POTEJ: variants seen among roughly 807,000 people sequenced by gnomAD.
POTEJ encodes POTE ankyrin domain family member J.
Under a neutral mutation model 69.0 loss-of-function variants are expected in POTEJ, and 11 were observed. The ratio of observed to expected loss-of-function variants is 0.16; its 90% CI spans 0.10 to 0.26. The LOEUF (loss-of-function observed/expected upper bound fraction) is 0.26. Ranked by LOEUF, POTEJ falls within the 10% of genes least tolerant of loss-of-function variation. The pLI is 1.00. For missense variants in POTEJ, 327 were observed against 1,045.5 expected, an observed-to-expected ratio of 0.31 and a Z score of 9.48; for synonymous variants, 117 against 381.1, an observed-to-expected ratio of 0.31 and a Z score of 8.07.
intron 9 of POTEJ, among the ~76,000 whole-genome samples, chr2:130,637,028 G>A (rs1312172848): frequency 8.9e-5 from 13 of 146,660 alleles, no homozygotes; most frequent in East Asian, 7.8e-4. Flanking sequence ...GCAGTGAGCC[G>A]AGATCGTTGC....
At position 130,625,522 on chromosome 2, in the gene POTEJ, T is replaced by C. The variant is rs573832728; in HGVS notation, c.1015+1388T>C. On this transcript the variant is annotated intron_variant, in intron 6 of 14. Transcript: ENST00000409602. ...GAGGAATGAAAGTTTTGGAAAAAAG[T>C]AGGTATGATTTAAGGTAAGCATGCA... Among the ~76,000 whole-genome samples the C allele has an allele frequency of 2.0e-5, 3 of 151,878 alleles. No homozygotes were observed. In the South Asian group the frequency reaches 6.2e-4, roughly 31 times the overall value.
chr2:130,636,222 A>AAGAC (rs1206369543), intron 9 of POTEJ, among the ~76,000 whole-genome samples: 1 of 152,228 alleles, frequency 6.6e-6, no homozygotes, highest in African/African-American at 2.4e-5. Context: ...TAAGAAGAAG[A>AAGAC]AAAGGGTAAA....
intron 14 of POTEJ, among the ~76,000 whole-genome samples, chr2:130,655,679 G>A (rs1400881886): frequency 6.6e-6 from 1 of 151,504 alleles, no homozygotes; most frequent in Non-Finnish European, 1.5e-5. Flanking sequence ...TACCGCAATG[G>A]CAAATAATCT....
At chr2:130,652,038 G>A (rs1181224947) in intron 13 of POTEJ, among the ~76,000 whole-genome samples, 1 of 138,048 alleles carries the variant, frequency 7.2e-6, no homozygotes, top group Non-Finnish European at 1.5e-5. Context: ...TAATTCCCAG[G>A]TGTTGAGGAA....
rs984946615 is a variant in POTEJ, at chr2:130,623,750, A to G, written c.945-314A>G. 5.3e-4 allele frequency among the ~76,000 whole-genome samples: 74 copies of G among 139,030 alleles called. 5 individuals are homozygous for G. The highest frequency in any genetic ancestry group is 9.5e-4 in the Non-Finnish European group (62 of 65,388). 91.2% of individuals were successfully genotyped at this position (139,030 alleles called of 152,430 possible). A position where few individuals can be genotyped will look rare whatever the true frequency, so the allele number is the denominator to read the frequency against. ...GAGCCTAAGAGAAACAAGTTGTCCA[A>G]GAACAAATAGCTGTTCATTATGGAG... On this transcript the variant is annotated intron_variant, in intron 5 of 14. Coordinates refer to ENST00000409602, the MANE Select transcript of POTEJ (RefSeq NM_001277083.2).
In POTEJ at chr2:130,647,994, T is replaced by G. The variant is rs199727603; in HGVS notation, c.1667+1684T>G. Among the ~76,000 whole-genome samples the G allele has an allele frequency of 7.5e-5, 11 of 147,580 alleles. No individual in the cohort carries two copies. In the East Asian group the frequency reaches 2.1e-3, roughly 28 times the overall value. On this transcript the variant is annotated intron_variant, in intron 13 of 14. Transcript: ENST00000409602. ...ACTACATTTATAAAATAAGATTATT[T>G]TCTGCATTTCTCCCACTTTATTCCT...
At chr2:130,637,747 A>T (rs1192002849) in intron 9 of POTEJ, among the ~76,000 whole-genome samples, 13 of 152,266 alleles carry the variant, frequency 8.5e-5, no homozygotes, top group African/African-American at 3.1e-4. Flanking sequence ...AAAAAAAAAT[A>T]AAAGTAGGGT....
At chr2:130,641,487 T>A (rs1686371186) in intron 10 of POTEJ, among the ~76,000 whole-genome samples, 1 of 149,176 alleles carries the variant, frequency 6.7e-6, no homozygotes, top group Non-Finnish European at 1.5e-5. Context: ...ATGTTTGTGT[T>A]CCCAGTGGCA....
chr2:130,650,151 A>G (rs1385697481), intron 13 of POTEJ, among the ~76,000 whole-genome samples: 3 of 152,394 alleles, frequency 2.0e-5, no homozygotes, highest in African/African-American at 4.8e-5. Flanking sequence ...AAAGTGATTT[A>G]TCATCTCTAA....
intron 6 of POTEJ, among the ~76,000 whole-genome samples, chr2:130,625,567 A>G (rs1335527616): frequency 6.6e-6 from 1 of 151,210 alleles, no homozygotes. Flanking sequence ...GAATTTTTCT[A>G]GGTAAAGAAG....
intron 13 of POTEJ, among the ~76,000 whole-genome samples, chr2:130,647,164 G>A (rs1686610979): frequency 6.6e-6 from 1 of 150,992 alleles, no homozygotes; most frequent in Non-Finnish European, 1.5e-5. Flanking sequence ...TTAGATGTAG[G>A]GTATACTGAT....
intron 6 of POTEJ, among the ~76,000 whole-genome samples, chr2:130,626,672 G>T (rs1282034441): frequency 1.3e-5 from 2 of 152,184 alleles, no homozygotes; most frequent in Non-Finnish European, 2.9e-5. Flanking sequence ...ACCCTGTAAA[G>T]AAACCAGGAG....
At chr2:130,640,910 C>T (rs1054751622) in intron 10 of POTEJ, among the ~76,000 whole-genome samples, 1 of 152,094 alleles carries the variant, frequency 6.6e-6, no homozygotes, top group Admixed American at 6.6e-5. Flanking sequence ...TGCAGGGGCT[C>T]ATTGGAGAAA....
At chr2:130,652,078 G>A (rs1035302177) in intron 13 of POTEJ, among the ~76,000 whole-genome samples, 1 of 138,284 alleles carries the variant, frequency 7.2e-6, no homozygotes, top group East Asian at 2.0e-4. Flanking sequence ...TGGCTCATGG[G>A]GTCGGTTTCC....
At position 130,614,114 on chromosome 2, in the gene POTEJ, G is replaced by A. The variant is rs572345806; in HGVS notation, c.410+2172G>A. Among the ~76,000 whole-genome samples the A allele has an allele frequency of 1.0e-3, 123 of 117,994 alleles. 9 individuals are homozygous for A. The highest frequency in any genetic ancestry group is 1.6e-3 in the Non-Finnish European group (99 of 60,442). 77.4% of individuals were successfully genotyped at this position (117,994 alleles called of 152,430 possible). A position where few individuals can be genotyped will look rare whatever the true frequency, so the allele number is the denominator to read the frequency against. Reference sequence around the variant, plus strand: ...GGAGGTTGCAGTGAGCCGAGATCGCGCCACTACATTCCAGCCTGAGTGATA... The same window carrying A: ...GGAGGTTGCAGTGAGCCGAGATCGCACCACTACATTCCAGCCTGAGTGATA... On this transcript the variant is annotated intron_variant, in intron 1 of 14. Transcript: ENST00000409602.
chr2:130,646,383 A>G lies in POTEJ; in HGVS notation c.1667+73A>G. ...CTAATCCTAATTTGAGCTAATATTC[A>G]TGATGAACAAATTTTATACTTTTAT... On this transcript the variant is annotated intron_variant, in intron 13 of 14. Coordinates refer to ENST00000409602, the MANE Select transcript of POTEJ (RefSeq NM_001277083.2). The G allele has an allele frequency of 4.0e-6, 2 of 505,708 alleles. 1 individual carries two copies. Among genetic ancestry groups the G allele is most frequent in the Non-Finnish European group, 7.1e-6 (2 of 280,336 alleles). 31.3% of individuals were successfully genotyped at this position (505,708 alleles called of 1,614,324 possible).
At position 130,630,572 on chromosome 2, in the gene POTEJ, A is replaced by G. The variant is rs1573979492; in HGVS notation, c.1086+553A>G. 7.1e-5 allele frequency among the ~76,000 whole-genome samples: 10 copies of G among 141,770 alleles called. No homozygotes were observed. In the South Asian group the frequency reaches 2.1e-3, roughly 30 times the overall value. The allele number at this position is 141,770 out of a possible 152,430, so 93.0% of individuals were successfully genotyped here. A position where few individuals can be genotyped will look rare whatever the true frequency, so the allele number is the denominator to read the frequency against. On this transcript the variant is annotated intron_variant, in intron 7 of 14. Transcript: ENST00000409602. ...AGTCACTGATACCAAGCTTAAAAAT[A>G]TATTCTGCCTTATGGTCTCTCATTG...
chr2:130,641,187 A>G (rs1247863634), intron 10 of POTEJ, among the ~76,000 whole-genome samples: 6 of 152,110 alleles, frequency 3.9e-5, no homozygotes, highest in Non-Finnish European at 7.4e-5. Flanking sequence ...CCTGTGGCCT[A>G]TAGTTTCCTG....
intron 9 of POTEJ, among the ~76,000 whole-genome samples, chr2:130,638,199 A>C (rs936722352): frequency 6.6e-6 from 1 of 151,168 alleles, no homozygotes; most frequent in Non-Finnish European, 1.5e-5. Flanking sequence ...TGAGCATTTA[A>C]AAAAATGTTA....
Sources: gnomAD v4.1 joint callset for allele counts (sites outside exome capture counted in the v4.1 genomes callset) on GRCh38, gnomAD v4.1.1 for gene constraint, MANE v1.5 for transcripts, NCBI Gene and HGNC (gene_info 2026-07-23, HGNC 2026-07-21) for gene names.